Variants in CD2 observed in about 807,000 individuals in gnomAD.
CD2 encodes the protein T-cell surface antigen CD2.
CD2 carries 18 observed loss-of-function variants against 23.2 expected under a neutral mutation model. The observed-to-expected ratio is 0.77, with a 90% CI of 0.54 to 1.15. CD2 has a LOEUF of 1.15. Among genes scored for constraint, CD2 ranks in the 50% most tolerant of loss-of-function variants. The pLI is 0.00. For missense variants in CD2, 424 were observed against 423.1 expected (o/e 1.00, Z -0.02); for synonymous variants, 162 against 151.9 (o/e 1.07, Z -0.49).
At chr1:116,757,874 A>G (rs1651911598) in intron 2 of CD2, among the ~76,000 whole-genome samples, 1 of 151,834 alleles carries the variant, frequency 6.6e-6, no homozygotes. Flanking sequence ...GGTTCAAGCA[A>G]TTCTCATGCC....
intron 4 of CD2, among the ~76,000 whole-genome samples, chr1:116,767,687 A>G (rs1652257703): frequency 6.6e-6 from 1 of 152,038 alleles, no homozygotes; most frequent in Non-Finnish European, 1.5e-5. Flanking sequence ...CCTTGGGTGC[A>G]GGGACTGAAA....
At chr1:116,756,266 G>A (rs1651845933) in intron 2 of CD2, among the ~76,000 whole-genome samples, 1 of 152,168 alleles carries the variant, frequency 6.6e-6, no homozygotes, top group South Asian at 2.1e-4. Context: ...ACTCCAAACA[G>A]CACAAAACTC....
intron 2 of CD2, 131 bp from the exon 3 acceptor site, chr1:116,760,271 C>T: frequency 1.5e-6 from 1 of 650,664 alleles, no homozygotes; most frequent in East Asian, 2.8e-5. Context: ...AAATAATTTC[C>T]AAAAGTTGCT....
chr1:116,768,709 C>A lies in CD2; in HGVS notation c.982C>A (p.Leu328Ile), dbSNP rs151304988. The change falls in exon 5 of 5, where the codon CTC becomes ATC. Residue 328 changes from leucine to isoleucine, a missense_variant. Physicochemically the swap from Leu to Ile is conservative, Grantham distance 5. Coordinates refer to ENST00000369478, the MANE Select transcript of CD2 (RefSeq NM_001767.5). ...AGTTCACCAGCAGAAAGGCCCGCCC[C>A]TCCCCAGACCTCGAGTTCAGCCAAA... is the stretch of plus-strand genomic sequence containing the variant. ...TQVHQQKGPP[L>I]PRPRVQPKPP... 6.2e-7 allele frequency: 1 copy of A among 1,614,170 alleles called. No individual in the cohort carries two copies. Among genetic ancestry groups the A allele is most frequent in the Admixed American group, 1.7e-5 (1 of 60,020 alleles).
At chr1:116,758,637 T>C (rs1651938614) in intron 2 of CD2, among the ~76,000 whole-genome samples, 2 of 152,122 alleles carry the variant, frequency 1.3e-5, no homozygotes, top group African/African-American at 4.8e-5. Flanking sequence ...ATCTCAGGAC[T>C]CCAAACAGCA....
intron 3 of CD2, among the ~76,000 whole-genome samples, chr1:116,761,228 G>C (rs1652041535): frequency 6.6e-6 from 1 of 152,182 alleles, no homozygotes; most frequent in Admixed American, 6.5e-5. Flanking sequence ...GATCCCCAGT[G>C]TCCCAGCCTG....
Position 116,754,773 on chromosome 1 carries a change from T to C in CD2, c.204T>C (p.Ile68=). 1 of 1,613,522 alleles carries C rather than the reference T, an allele frequency of 6.2e-7. No homozygotes were observed. The highest frequency in any genetic ancestry group is 8.5e-7 in the Non-Finnish European group (1 of 1,179,784). Residue 68 remains isoleucine (I), a synonymous_variant, in exon 2 of 5, where the codon ATT becomes ATC. Coordinates refer to ENST00000369478, the MANE Select transcript of CD2 (RefSeq NM_001767.5). ...AAAAAACTTCAGACAAGAAAAAGAT[T>C]GCACAATTCAGAAAAGAGAAAGAGA... ...KWEKTSDKKK[I]AQFRKEKETF...
rs764596367 is a variant in CD2 at position 116,754,504 on chromosome 1, A to G, written c.12A>G (p.Pro4=). The change falls in exon 1 of 5, where the codon CCA becomes CCG. Residue 4 remains proline, a synonymous_variant. Coordinates refer to ENST00000369478, the MANE Select transcript of CD2 (RefSeq NM_001767.5). MSF[P]CKFVASFLLI... ...AACCAACCCCTAAGATGAGCTTTCC[A>G]TGTAAATTTGTAGCCAGCTTCCTTC... 1 of 1,614,058 alleles carries G rather than the reference A, an allele frequency of 6.2e-7. No individual in the cohort carries two copies. Among genetic ancestry groups the G allele is most frequent in the Non-Finnish European group, 8.5e-7 (1 of 1,179,990 alleles).
intron 3 of CD2, among the ~76,000 whole-genome samples, chr1:116,762,470 A>G (rs1285696219): frequency 6.6e-6 from 1 of 152,186 alleles, no homozygotes; most frequent in African/African-American, 2.4e-5. Flanking sequence ...GGAGATGGGA[A>G]GAATACCTGG....
In CD2 at chr1:116,766,580, G is replaced by C. The variant is rs954945355; in HGVS notation, c.737-1884G>C. On this transcript the variant is annotated intron_variant, in intron 4 of 4. Coordinates refer to ENST00000369478, the MANE Select transcript of CD2 (RefSeq NM_001767.5). ...ATGAACCAAATGGTGTATGGGCCAA[G>C]TGTGGTGGCTCATATCTGTAATCTC... is the stretch of plus-strand genomic sequence containing the variant. 2.0e-5 allele frequency among the ~76,000 whole-genome samples: 3 copies of C among 152,198 alleles called. No individual in the cohort carries two copies. In the South Asian group the frequency reaches 6.2e-4, roughly 32 times the overall value.
At position 116,764,400 on chromosome 1, in the gene CD2, A is replaced by T. The variant is rs537651757; in HGVS notation, c.614-84A>T. ...CCCAACAAGCTCTTCTATCTGCTTG[A>T]TGCAGGAGGCAGCATCCTTGGCCAG... On this transcript the variant is annotated intron_variant, in intron 3 of 4. Coordinates refer to ENST00000369478, the MANE Select transcript of CD2 (RefSeq NM_001767.5). 45 of 1,553,832 alleles carry T rather than the reference A, an allele frequency of 2.9e-5. No homozygotes were observed. In the African/African-American group the frequency reaches 6.0e-4, roughly 21 times the overall value.
rs568584901 is a variant in CD2, at chr1:116,755,902, C to A, written c.382+951C>A. Among the ~76,000 whole-genome samples the A allele has an allele frequency of 7.0e-4, 107 of 152,234 alleles. 2 individuals carry two copies. In the South Asian group the frequency reaches 0.022, roughly 31 times the overall value. ...GACAAGAAGGGAAAAGAAGAAGCTG[C>A]GCTTGACTTGGGGAGGCAGACAGGA... On this transcript the variant is annotated intron_variant, in intron 2 of 4. Transcript: ENST00000369478.
At chr1:116,757,486 T>C (rs1651891765) in intron 2 of CD2, among the ~76,000 whole-genome samples, 1 of 152,120 alleles carries the variant, frequency 6.6e-6, no homozygotes, top group Admixed American at 6.5e-5. Context: ...TAAGACGCTA[T>C]CTTAGTGAAT....
chr1:116,763,508 C>T (rs973576522), intron 3 of CD2, among the ~76,000 whole-genome samples: 2 of 152,214 alleles, frequency 1.3e-5, no homozygotes, highest in African/African-American at 4.8e-5. Flanking sequence ...TCCTGTTTCC[C>T]CTGTTGCTGG....
chr1:116,761,029 T>A (rs1189149951), intron 3 of CD2, among the ~76,000 whole-genome samples: 1 of 152,138 alleles, frequency 6.6e-6, no homozygotes, highest in East Asian at 1.9e-4. Flanking sequence ...AGATGGTTAG[T>A]GGTCAGCACC....
rs1228247919 is a variant in CD2 at position 116,769,129 on chromosome 1, A to T, written c.*346A>T. 5.0e-5 allele frequency: 11 copies of T among 220,666 alleles called. No individual in the cohort carries two copies. In the East Asian group the frequency reaches 1.2e-3, roughly 24 times the overall value. The allele number at this position is 220,666 out of a possible 1,614,324, so 13.7% of individuals were successfully genotyped here. ...ATTGGTGTGCCTGGGTCTCACTACA[A>T]GCAGCCTATCTGCTTAAGAGACTCT... On this transcript the variant is annotated 3_prime_UTR_variant, in exon 5 of 5. Coordinates refer to ENST00000369478, the MANE Select transcript of CD2 (RefSeq NM_001767.5).
intron 2 of CD2, among the ~76,000 whole-genome samples, chr1:116,758,092 T>C (rs1400776748): frequency 6.6e-6 from 1 of 151,508 alleles, no homozygotes; most frequent in Non-Finnish European, 1.5e-5. Context: ...TTTATATATA[T>C]ACATATAAAT....
chr1:116,767,151 C>T (rs1020991153), intron 4 of CD2, among the ~76,000 whole-genome samples: 1 of 152,170 alleles, frequency 6.6e-6, no homozygotes, highest in Non-Finnish European at 1.5e-5. Context: ...CATTGTCTAA[C>T]TTTGACTCTA....
chr1:116,759,585 G>A (rs75098386), intron 2 of CD2, among the ~76,000 whole-genome samples: 132 of 152,254 alleles, frequency 8.7e-4, no homozygotes, highest in African/African-American at 3.1e-3. Flanking sequence ...TGTGATTATC[G>A]AATGCATGAA....
Sources: gnomAD v4.1 joint callset for allele counts (sites outside exome capture counted in the v4.1 genomes callset) on GRCh38, gnomAD v4.1.1 for gene constraint, MANE v1.5 for transcripts, NCBI Gene and HGNC (gene_info 2026-07-23, HGNC 2026-07-21) for gene names.